The following SETBP1 variants were observed in gnomAD, a reference collection of about 807,000 sequenced individuals.
The protein encoded by SETBP1 is SET binding protein 1, also known as SET-binding protein.
In SETBP1, 9 loss-of-function variants were observed where a neutral mutation model predicts 101.0. That is an observed-to-expected ratio of 0.09 (90% CI 0.05 to 0.16). The LOEUF (loss-of-function observed/expected upper bound fraction) is 0.16. Among genes scored for constraint, SETBP1 ranks in the 10% least tolerant of loss-of-function variants. SETBP1 has a pLI of 1.00. For missense variants in SETBP1, 1,858 were observed against 2,033.8 expected, an observed-to-expected ratio of 0.91 and a Z score of 1.66; for synonymous variants, 818 against 788.5, an observed-to-expected ratio of 1.04 and a Z score of -0.63.
At chr18:44,783,669 T>A (rs979704744) in intron 2 of SETBP1, among the ~76,000 whole-genome samples, 1 of 152,198 alleles carries the variant, frequency 6.6e-6, no homozygotes, top group Non-Finnish European at 1.5e-5. Flanking sequence ...TTTGTGTATA[T>A]CAGCATATTT....
intron 2 of SETBP1, among the ~76,000 whole-genome samples, chr18:44,773,814 C>G (rs1268054100): frequency 2.0e-5 from 3 of 146,580 alleles, no homozygotes; most frequent in Admixed American, 7.0e-5. Context: ...CTCTCTCTCT[C>G]TCTCTCTCTG....
chr18:45,024,173 G>A (rs947579557), intron 4 of SETBP1, among the ~76,000 whole-genome samples: 3 of 152,124 alleles, frequency 2.0e-5, no homozygotes, highest in Non-Finnish European at 2.9e-5. Flanking sequence ...TTCACAGGCT[G>A]TTTCTTGTGT....
intron 5 of SETBP1, among the ~76,000 whole-genome samples, chr18:45,060,973 A>G (rs2073881517): frequency 6.6e-6 from 1 of 152,220 alleles, no homozygotes; most frequent in South Asian, 2.1e-4. Flanking sequence ...AAGGTGATTT[A>G]CTTTATTCTT....
At chr18:44,820,723 A>G (rs2144379550) in intron 2 of SETBP1, among the ~76,000 whole-genome samples, 1 of 152,324 alleles carries the variant, frequency 6.6e-6, no homozygotes, top group South Asian at 2.1e-4. Flanking sequence ...ATGGGCAGAG[A>G]TCATGTCTTG....
Position 44,970,615 on chromosome 18 carries a change from G to T in SETBP1, c.4000+17275G>T, listed in dbSNP as rs538565245. The stretch of plus-strand genomic sequence containing the variant: ...TCCCCAGGCTGCAGTGAAATGGGGC[G>T]ATCTCGGCTTACTGCAACCTCCACT... On this transcript the variant is annotated intron_variant, in intron 4 of 5. Transcript: ENST00000649279. 2.6e-5 allele frequency among the ~76,000 whole-genome samples: 4 copies of T among 151,988 alleles called. No individual in the cohort carries two copies. In the South Asian group the frequency reaches 8.3e-4, roughly 32 times the overall value.
intron 2 of SETBP1, among the ~76,000 whole-genome samples, chr18:44,784,739 C>T (rs964631368): frequency 3.3e-5 from 5 of 152,094 alleles, no homozygotes; most frequent in African/African-American, 7.2e-5. Flanking sequence ...GCATGTTGAC[C>T]GAAATAAACA....
intron 2 of SETBP1, among the ~76,000 whole-genome samples, chr18:44,844,327 CCACA>C: frequency 8.3e-6 from 1 of 119,884 alleles, no homozygotes; most frequent in South Asian, 3.0e-4. Context: ...CTGCCCCACC[CCACA>C]CACACACGTG....
chr18:44,844,252 C>T (rs1404689329), intron 2 of SETBP1, among the ~76,000 whole-genome samples: 1 of 151,910 alleles, frequency 6.6e-6, no homozygotes, highest in African/African-American at 2.4e-5. Flanking sequence ...GAATATCAGC[C>T]CCCTTCCCCC....
intron 3 of SETBP1, among the ~76,000 whole-genome samples, chr18:44,922,007 T>G (rs562283351): frequency 6.6e-6 from 1 of 152,320 alleles, no homozygotes; most frequent in Non-Finnish European, 1.5e-5. Flanking sequence ...TTGGCCAAGC[T>G]TGAGGAATTT....
intron 4 of SETBP1, among the ~76,000 whole-genome samples, chr18:45,033,658 T>C (rs2145476344): frequency 6.6e-6 from 1 of 152,362 alleles, no homozygotes; most frequent in East Asian, 1.9e-4. Flanking sequence ...ATTACAAAAT[T>C]AATTAAACTG....
At chr18:45,006,505 A>C (rs2072730687) in intron 4 of SETBP1, among the ~76,000 whole-genome samples, 1 of 152,170 alleles carries the variant, frequency 6.6e-6, no homozygotes, top group Non-Finnish European at 1.5e-5. Context: ...TTTTTAGGAC[A>C]TTGAGAGAGG....
chr18:44,892,115 G>A (rs1291604526), intron 3 of SETBP1, among the ~76,000 whole-genome samples: 2 of 152,168 alleles, frequency 1.3e-5, no homozygotes. Context: ...ACAGTTTTTG[G>A]GCATGAGAGG....
At chr18:45,053,346 A>G (rs767732343) in intron 5 of SETBP1, among the ~76,000 whole-genome samples, 1 of 152,232 alleles carries the variant, frequency 6.6e-6, no homozygotes, top group Non-Finnish European at 1.5e-5. Context: ...TCTAGAATTC[A>G]TCTGATAGGA....
chr18:44,842,065 C>T (rs928757213), intron 2 of SETBP1, among the ~76,000 whole-genome samples: 2 of 152,152 alleles, frequency 1.3e-5, no homozygotes, highest in African/African-American at 4.8e-5. Flanking sequence ...CTGAGATTTG[C>T]ATTGCCATTC....
At chr18:45,061,424 A>G (rs920653190) in intron 5 of SETBP1, among the ~76,000 whole-genome samples, 8 of 152,182 alleles carry the variant, frequency 5.3e-5, no homozygotes, top group Non-Finnish European at 1.2e-4. Flanking sequence ...AACTAACTAC[A>G]AAAATTTTAT....
At chr18:44,783,711 G>A (rs772683129) in intron 2 of SETBP1, among the ~76,000 whole-genome samples, 4 of 152,166 alleles carry the variant, frequency 2.6e-5, no homozygotes, top group Non-Finnish European at 2.9e-5. Flanking sequence ...ATATAGGGAT[G>A]GAAGGTGTTT....
At chr18:44,786,160 G>A (rs1490074091) in intron 2 of SETBP1, among the ~76,000 whole-genome samples, 1 of 152,118 alleles carries the variant, frequency 6.6e-6, no homozygotes, top group Admixed American at 6.6e-5. Context: ...TCCTGTCTAT[G>A]ACAGAGAATC....
At chr18:44,998,832 A>G (rs2072555894) in intron 4 of SETBP1, among the ~76,000 whole-genome samples, 1 of 152,238 alleles carries the variant, frequency 6.6e-6, no homozygotes, top group South Asian at 2.1e-4. Context: ...AAACAGTTCT[A>G]AAATAGCCCT....
intron 2 of SETBP1, among the ~76,000 whole-genome samples, chr18:44,863,975 C>T (rs1405325135): frequency 6.6e-6 from 1 of 152,138 alleles, no homozygotes; most frequent in African/African-American, 2.4e-5. Flanking sequence ...TCCCCCTTCC[C>T]AGATGCAAGC....
Sources: gnomAD v4.1 joint callset for allele counts (sites outside exome capture counted in the v4.1 genomes callset) on GRCh38, gnomAD v4.1.1 for gene constraint, MANE v1.5 for transcripts, NCBI Gene and HGNC (gene_info 2026-07-23, HGNC 2026-07-21) for gene names.